The following RSRC2 variants were observed in gnomAD, a reference collection of about 807,000 sequenced individuals.
The protein encoded by RSRC2 is arginine/serine-rich coiled-coil protein 2.
In RSRC2, 5 loss-of-function variants were observed where a neutral mutation model predicts 61.3. That is an observed-to-expected ratio of 0.08 (90% CI 0.04 to 0.17). The LOEUF (loss-of-function observed/expected upper bound fraction) is 0.17, where lower values mean the gene tolerates loss of function less well. Among genes scored for constraint, RSRC2 ranks in the 10% least tolerant of loss-of-function variants. The pLI, the probability that RSRC2 is intolerant of heterozygous loss-of-function variation, is 1.00. For missense variants in RSRC2, 381 were observed against 518.8 expected (o/e 0.73, Z 2.58); for synonymous variants, 202 against 166.5 (o/e 1.21, Z -1.64).
intron 6 of RSRC2, among the ~76,000 whole-genome samples, chr12:122,513,464 A>G (rs1260356547): frequency 6.6e-6 from 1 of 152,066 alleles, no homozygotes; most frequent in African/African-American, 2.4e-5. Flanking sequence ...CTGAAAGATC[A>G]CCAAGTAATC....
At position 122,518,857 on chromosome 12, in the gene RSRC2, C is replaced by G; in HGVS notation, c.380G>C (p.Arg127Thr). 6.2e-7 allele frequency: 1 copy of G among 1,613,978 alleles called. No individual in the cohort carries two copies. The highest frequency in any genetic ancestry group is 1.3e-5 in the African/African-American group (1 of 75,040). Residue 127 changes from arginine (R) to threonine (T), a missense_variant, in exon 4 of 10, where the codon AGA becomes ACA. Physicochemically the swap from Arg to Thr is moderately conservative, Grantham distance 71. Coordinates refer to ENST00000331738, the MANE Select transcript of RSRC2 (RefSeq NM_023012.6). Reference protein sequence around the residue: ...RKSSRGRSHSRSRSRERRHRS... With the variant: ...RKSSRGRSHSTSRSRERRHRS... ...GACTTACCTTTCACGAGACCTAGAT[C>G]TTGAGTGACTTCTGCCTCTTGATGA...
chr12:122,514,580 T>C (rs928870617), intron 6 of RSRC2: 35 of 1,019,880 alleles, frequency 3.4e-5, no homozygotes, highest in Non-Finnish European at 4.0e-5. Context: ...CAGCAGAAAA[T>C]TAAAAAAAAA....
At position 122,515,230 on chromosome 12, in the gene RSRC2, G is replaced by A. The variant is rs775489748; in HGVS notation, c.603-3C>T. 2.7e-5 allele frequency: 43 copies of A among 1,611,702 alleles called. No individual in the cohort carries two copies. The highest frequency in any genetic ancestry group is 3.6e-5 in the Non-Finnish European group (42 of 1,179,190). On this transcript the variant is annotated splice_polypyrimidine_tract_variant and splice_region_variant and intron_variant, in intron 5 of 9. Transcript: ENST00000331738. ...TTTCAATTCTCTTCTTTCTATCTCT[G>A]TAGTAAATCGTATTTCATATGTCAA... is the stretch of plus-strand genomic sequence containing the variant.
intron 8 of RSRC2, among the ~76,000 whole-genome samples, chr12:122,507,461 CATGTCATTTGCATTTA>C (rs1381636414): frequency 2.6e-5 from 4 of 151,326 alleles, no homozygotes; most frequent in African/African-American, 4.9e-5. Flanking sequence ...TTTGCGACTG[CATGTCATTTGCATTTA>C]ATGTCATTTG....
intron 4 of RSRC2, among the ~76,000 whole-genome samples, chr12:122,518,507 C>T (rs1959094278): frequency 6.6e-6 from 1 of 151,518 alleles, no homozygotes; most frequent in Admixed American, 6.6e-5. Flanking sequence ...AAAGGAGAAT[C>T]ACTTGAACCC....
intron 6 of RSRC2, among the ~76,000 whole-genome samples, chr12:122,512,583 T>C (rs1958607688): frequency 6.6e-6 from 1 of 151,842 alleles, no homozygotes; most frequent in Admixed American, 6.6e-5. Flanking sequence ...ATACAAAAAA[T>C]TAGCAGGGCG....
Position 122,508,427 on chromosome 12 carries a change from C to T in RSRC2, c.826G>A (p.Val276Ile). 1 of 1,613,982 alleles carries T rather than the reference C, an allele frequency of 6.2e-7. No individual in the cohort carries two copies. The highest frequency in any genetic ancestry group is 8.5e-7 in the Non-Finnish European group (1 of 1,179,930). Residue 276 changes from valine (V) to isoleucine (I), a missense_variant, in exon 8 of 10, where the codon GTT (valine) becomes ATT (isoleucine). By Grantham distance (29) the Val-to-Ile change is conservative. Coordinates refer to ENST00000331738, the MANE Select transcript of RSRC2 (RefSeq NM_023012.6). ...IAAAAATGGS[V>I]LNVAALLASG... ...GCCAACAGGGCAGCAACATTGAGAA[C>T]AGAACCTCCAGTAGCTGCAGCTGCT...
In RSRC2 at chr12:122,504,566, T is replaced by C. The variant is rs946273177; in HGVS notation, c.*961A>G. 6.6e-6 allele frequency: 1 copy of C among 152,210 alleles called. No individual in the cohort carries two copies. The highest frequency in any genetic ancestry group is 1.5e-5 in the Non-Finnish European group (1 of 68,034). The allele number at this position is 152,210 out of a possible 1,614,324, so 9.4% of individuals were successfully genotyped here. On this transcript the variant is annotated 3_prime_UTR_variant, in exon 10 of 10. Transcript: ENST00000331738. The stretch of plus-strand genomic sequence containing the variant: ...GCTTGAACCTGGGGGGCAGAGGCTC[T>C]GGCAGTGAGCCGAGATTGTGCCACT...
At position 122,515,448 on chromosome 12, in the gene RSRC2, C is replaced by T. The variant is rs971711504; in HGVS notation, c.603-221G>A. Among the ~76,000 whole-genome samples, 20 of 152,280 alleles carry T rather than the reference C, an allele frequency of 1.3e-4. No individual in the cohort carries two copies. The Middle Eastern group carries it at 0.017, about 129-fold the overall frequency. On this transcript the variant is annotated intron_variant, in intron 5 of 9. Transcript: ENST00000331738. ...AAGAGACAGGGTCTCACCATGTTGCCCAGGCTGGCCTCCAGTGATCCTCCT... is the reference window on the plus strand; with the variant it reads ...AAGAGACAGGGTCTCACCATGTTGCTCAGGCTGGCCTCCAGTGATCCTCCT...
chr12:122,507,855 G>A, intron 8 of RSRC2: 1 of 269,360 alleles, frequency 3.7e-6, no homozygotes, highest in South Asian at 4.0e-5. Flanking sequence ...CTGGCTAAGT[G>A]GCATGATCTT....
At chr12:122,513,771 TTGC>T in intron 6 of RSRC2, 2 of 985,138 alleles carry the variant, frequency 2.0e-6, no homozygotes, top group Non-Finnish European at 2.4e-6. Context: ...GCTCACACTT[TTGC>T]TGCTGTTCAG....
chr12:122,505,140 A>G lies in RSRC2; in HGVS notation c.*387T>C, dbSNP rs1172109703. On this transcript the variant is annotated 3_prime_UTR_variant, in exon 10 of 10. Coordinates refer to ENST00000331738, the MANE Select transcript of RSRC2 (RefSeq NM_023012.6). Reference sequence around the variant, plus strand: ...CAAATGGCCAGATCTTCTAAAGAACATCTACATAACATTTCTTTCATGTTT... The same window carrying G: ...CAAATGGCCAGATCTTCTAAAGAACGTCTACATAACATTTCTTTCATGTTT... The G allele has an allele frequency of 6.3e-6, 1 of 159,436 alleles. No individual in the cohort carries two copies. The highest frequency in any genetic ancestry group is 1.8e-4 in the East Asian group (1 of 5,514). The allele number at this position is 159,436 out of a possible 1,614,324, so 9.9% of individuals were successfully genotyped here. A position where few individuals can be genotyped will look rare whatever the true frequency, so the allele number is the denominator to read the frequency against.
Position 122,517,507 on chromosome 12 carries a change from T to C in RSRC2, c.399-77A>G, listed in dbSNP as rs1171087683. On this transcript the variant is annotated intron_variant, in intron 4 of 9. Coordinates refer to ENST00000331738, the MANE Select transcript of RSRC2 (RefSeq NM_023012.6). ...TTTATACACATCATGAATTAGTTAC[T>C]TGTAGTAACGCAATAAAGACAAGCA... 7.0e-6 allele frequency: 11 copies of C among 1,563,396 alleles called. No individual in the cohort carries two copies. In the East Asian group the frequency reaches 1.1e-4, roughly 16 times the overall value.
chr12:122,511,334 G>GA, intron 6 of RSRC2, 146 bp from the exon 7 acceptor site: 1 of 542,596 alleles, frequency 1.8e-6, no homozygotes, highest in Non-Finnish European at 3.2e-6. Context: ...CGTATGTGAA[G>GA]AAAAAGCAAT....
chr12:122,522,087 G>C, intron 2 of RSRC2, 56 bp downstream of exon 2: 2 of 1,512,680 alleles, frequency 1.3e-6, no homozygotes, highest in South Asian at 1.2e-5. Flanking sequence ...TTATACAACA[G>C]GTCTACATAT....
intron 6 of RSRC2, among the ~76,000 whole-genome samples, chr12:122,513,317 T>G (rs1958673610): frequency 6.6e-6 from 1 of 151,580 alleles, no homozygotes. Flanking sequence ...CAGTTTTAAA[T>G]CCTGACCTTT....
At chr12:122,521,291 C>T in intron 3 of RSRC2, 94 bp downstream of exon 3, 1 of 916,054 alleles carries the variant, frequency 1.1e-6, no homozygotes, top group Non-Finnish European at 1.7e-6. Flanking sequence ...AAGTTTTGTA[C>T]TTACCTTGAC....
intron 6 of RSRC2, among the ~76,000 whole-genome samples, chr12:122,511,736 T>C (rs1958528072): frequency 1.3e-5 from 2 of 152,222 alleles, no homozygotes; most frequent in African/African-American, 4.8e-5. Flanking sequence ...ATTAGGAAAT[T>C]ACTTCTAGCA....
rs1226942685 is a variant in RSRC2, at chr12:122,505,354, TACA to T, written c.*170_*172del. On this transcript the variant is annotated 3_prime_UTR_variant, in exon 10 of 10. Transcript: ENST00000331738. The stretch of plus-strand genomic sequence containing the variant: ...TTAATGGAAGTGGGTTTAACCTGAT[TACA>T]ACACTAACACCAGTATCACTGATCT... The T allele has an allele frequency of 1.9e-6, 1 of 539,676 alleles. No homozygotes were observed. The allele number at this position is 539,676 out of a possible 1,614,324, so 33.4% of individuals were successfully genotyped here. A position where few individuals can be genotyped will look rare whatever the true frequency, so the allele number is the denominator to read the frequency against.
Sources: allele counts gnomAD v4.1 joint callset (sites outside exome capture counted in the v4.1 genomes callset), GRCh38; gene constraint gnomAD v4.1.1; transcripts MANE v1.5; gene names NCBI Gene and HGNC (gene_info 2026-07-23, HGNC 2026-07-21).